SYT16: variants seen among roughly 807,000 people sequenced by gnomAD.
The protein encoded by SYT16 is synaptotagmin-16.
SYT16 carries 42 observed loss-of-function variants against 61.4 expected under a neutral mutation model. That is an observed-to-expected ratio of 0.68 (90% CI 0.53 to 0.89). The LOEUF is 0.89. SYT16 is among the 40% of genes least tolerant of loss of function. The pLI, the probability that SYT16 is intolerant of heterozygous loss-of-function variation, is 0.00. For synonymous variants in SYT16, 314 were observed against 302.3 expected, an observed-to-expected ratio of 1.04 and a Z score of -0.40; for missense variants, 804 against 807.3, an observed-to-expected ratio of 1.00 and a Z score of 0.05.
At chr14:61,955,623 CT>C (rs953705031) in intron 1 of SYT16, among the ~76,000 whole-genome samples, 1 of 151,566 alleles carries the variant, frequency 6.6e-6, no homozygotes, top group Admixed American at 6.6e-5. Context: ...GGCAGGATTT[CT>C]TTTTTTTAAG....
At position 61,920,965 on chromosome 14, in the gene SYT16, A is replaced by G. The variant is rs145663800; in HGVS notation, c.-324-49167A>G. 7.2e-5 allele frequency among the ~76,000 whole-genome samples: 11 copies of G among 152,354 alleles called. No homozygotes were observed. The East Asian group carries it at 2.1e-3, about 29-fold the overall frequency. ...ATGCTCATAACTACTAGGTTAAGCA[A>G]CTAAAGAGCCTCAGCCTTCAGTAAA... On this transcript the variant is annotated intron_variant, in intron 1 of 7. Transcript: ENST00000683842.
intron 3 of SYT16, among the ~76,000 whole-genome samples, chr14:62,061,058 A>G (rs1566809433): frequency 6.6e-6 from 1 of 152,124 alleles, no homozygotes; most frequent in Non-Finnish European, 1.5e-5. Flanking sequence ...ATGAGATGAC[A>G]GTAACACAAA....
At chr14:61,879,040 C>G (rs1043679405) in intron 1 of SYT16, among the ~76,000 whole-genome samples, 4 of 152,052 alleles carry the variant, frequency 2.6e-5, no homozygotes, top group African/African-American at 9.7e-5. Flanking sequence ...TATGAATAAT[C>G]TTTTATATAC....
chr14:61,894,188 G>A (rs1385389708), intron 1 of SYT16, among the ~76,000 whole-genome samples: 2 of 152,092 alleles, frequency 1.3e-5, no homozygotes, highest in Non-Finnish European at 2.9e-5. Flanking sequence ...AGGAGGCCAT[G>A]GAAGGAGAAT....
intron 1 of SYT16, among the ~76,000 whole-genome samples, chr14:61,932,844 C>T (rs905905641): frequency 1.2e-4 from 18 of 152,108 alleles, no homozygotes; most frequent in African/African-American, 4.3e-4. Flanking sequence ...GGAGTGAGTC[C>T]CATAAATGCC....
At chr14:61,922,974 G>T (rs913362063) in intron 1 of SYT16, among the ~76,000 whole-genome samples, 1 of 151,514 alleles carries the variant, frequency 6.6e-6, no homozygotes, top group Non-Finnish European at 1.5e-5. Context: ...GCTTGAACCC[G>T]GGAGGCAGAG....
chr14:61,911,056 C>A (rs217632), intron 1 of SYT16, among the ~76,000 whole-genome samples: 1 of 152,120 alleles, frequency 6.6e-6, no homozygotes, highest in African/African-American at 2.4e-5. Flanking sequence ...CAATTTCTTG[C>A]CTATTGACTG....
At chr14:62,055,440 T>C (rs559829013) in intron 3 of SYT16, among the ~76,000 whole-genome samples, 37 of 152,282 alleles carry the variant, frequency 2.4e-4, no homozygotes, top group African/African-American at 8.9e-4. Context: ...GTCCTTGCAG[T>C]GAGAAAGGAG....
At chr14:62,040,057 T>A (rs1595231066) in intron 3 of SYT16, among the ~76,000 whole-genome samples, 1 of 152,148 alleles carries the variant, frequency 6.6e-6, no homozygotes, top group Non-Finnish European at 1.5e-5. Flanking sequence ...TGTGTTGGCT[T>A]CTTTCTTAGG....
intron 7 of SYT16, among the ~76,000 whole-genome samples, chr14:62,090,498 A>G (rs930308792): frequency 6.6e-6 from 1 of 152,200 alleles, no homozygotes; most frequent in Non-Finnish European, 1.5e-5. Flanking sequence ...AAATGAACAT[A>G]TATGAGACAT....
rs139646186 is a variant in SYT16 at position 62,037,635 on chromosome 14, G to A, written c.524-31968G>A. On this transcript the variant is annotated intron_variant, in intron 3 of 7. Coordinates refer to ENST00000683842, the MANE Select transcript of SYT16 (RefSeq NM_001367656.1). ...ATAATCATGTTTTAATTATTAATGT[G>A]TTTTATTACAAGGTGTTTCCTCAGA... 1.5e-3 allele frequency among the ~76,000 whole-genome samples: 221 copies of A among 151,106 alleles called. 1 individual carries two copies. Among genetic ancestry groups the A allele is most frequent in the Non-Finnish European group, 2.8e-3 (187 of 67,988 alleles).
chr14:62,052,021 T>A (rs1023829247), intron 3 of SYT16, among the ~76,000 whole-genome samples: 1 of 152,178 alleles, frequency 6.6e-6, no homozygotes, highest in Non-Finnish European at 1.5e-5. Context: ...AAATGCAGTC[T>A]TTATCGTCTC....
intron 3 of SYT16, among the ~76,000 whole-genome samples, chr14:62,022,033 T>G (rs1479358189): frequency 6.7e-6 from 1 of 150,116 alleles, no homozygotes; most frequent in Non-Finnish European, 1.5e-5. Context: ...TTTGCAAATC[T>G]CTTCTTTTTC....
chr14:61,814,992 G>T (rs2045383613), intron 1 of SYT16, among the ~76,000 whole-genome samples: 1 of 152,120 alleles, frequency 6.6e-6, no homozygotes, highest in Admixed American at 6.6e-5. Context: ...AGTCCTAGTT[G>T]CATATTAGAA....
intron 1 of SYT16, among the ~76,000 whole-genome samples, chr14:61,937,049 CTG>C (rs951833697): frequency 6.6e-6 from 1 of 152,234 alleles, no homozygotes; most frequent in African/African-American, 2.4e-5. Flanking sequence ...GCAAAAAAGA[CTG>C]TGCCAGGAAC....
intron 3 of SYT16, among the ~76,000 whole-genome samples, chr14:62,046,693 C>T (rs2055003369): frequency 6.6e-6 from 1 of 152,162 alleles, no homozygotes; most frequent in Non-Finnish European, 1.5e-5. Context: ...TTTCCCAGCA[C>T]CATTTATTAA....
chr14:62,002,087 C>G (rs1340313760), intron 3 of SYT16, among the ~76,000 whole-genome samples: 7 of 151,906 alleles, frequency 4.6e-5, no homozygotes, highest in Non-Finnish European at 8.8e-5. Flanking sequence ...GTTGTTTTGT[C>G]TCTAGACAGG....
chr14:62,048,079 G>T (rs1193932642), intron 3 of SYT16, among the ~76,000 whole-genome samples: 2 of 152,194 alleles, frequency 1.3e-5, no homozygotes, highest in Non-Finnish European at 2.9e-5. Flanking sequence ...ACCTCTGGTA[G>T]AATTTGGCTG....
chr14:61,933,801 A>G (rs2048506372), intron 1 of SYT16, among the ~76,000 whole-genome samples: 1 of 152,196 alleles, frequency 6.6e-6, no homozygotes. Context: ...GCTATTTTCT[A>G]TTTAAGAAAA....
Sources: allele counts gnomAD v4.1 joint callset (sites outside exome capture counted in the v4.1 genomes callset), GRCh38; gene constraint gnomAD v4.1.1; transcripts MANE v1.5; gene names NCBI Gene and HGNC (gene_info 2026-07-23, HGNC 2026-07-21).